TATDN1: variants seen among roughly 807,000 people sequenced by gnomAD.
TATDN1 encodes the protein TatD DNase domain containing 1.
In TATDN1, 40 loss-of-function variants were observed where a neutral mutation model predicts 46.4. The ratio of observed to expected loss-of-function variants is 0.86; its 90% confidence interval spans 0.67 to 1.12. The LOEUF (loss-of-function observed/expected upper bound fraction) is 1.12, where lower values mean the gene tolerates loss of function less well. Ranked by LOEUF, TATDN1 falls within the 50% of genes most tolerant of loss-of-function variation. The pLI, the probability that TATDN1 is intolerant of heterozygous loss-of-function variation, is 0.00. For synonymous variants in TATDN1, 95 were observed against 105.6 expected (o/e 0.90, Z 0.62); for missense variants, 326 against 348.4 (o/e 0.94, Z 0.51).
chr8:124,526,245 TG>T (rs1820490963), intron 1 of TATDN1, among the ~76,000 whole-genome samples: 1 of 152,236 alleles, frequency 6.6e-6, no homozygotes, highest in South Asian at 2.1e-4. Flanking sequence ...CAAGGCAACT[TG>T]GAAGTGTGTC....
chr8:124,517,438 A>AAG (rs1271599791), intron 4 of TATDN1, among the ~76,000 whole-genome samples: 13 of 152,084 alleles, frequency 8.5e-5, no homozygotes, highest in Non-Finnish European at 1.5e-4. Context: ...AAAAAAAAAA[A>AAG]AAAAGAAAAA....
intron 9 of TATDN1, chr8:124,503,998 G>A (rs1221175195): frequency 8.1e-7 from 1 of 1,232,420 alleles, no homozygotes; most frequent in Admixed American, 2.3e-5. Context: ...AGAATAAATT[G>A]GATTACCAGA....
intron 8 of TATDN1, among the ~76,000 whole-genome samples, chr8:124,505,003 C>T (rs1183618956): frequency 6.6e-6 from 1 of 151,264 alleles, no homozygotes; most frequent in Non-Finnish European, 1.5e-5. Flanking sequence ...GATTCGCCCG[C>T]CTCGGCCTCC....
chr8:124,504,085 C>T, intron 9 of TATDN1, 186 bp downstream of exon 9: 2 of 763,936 alleles, frequency 2.6e-6, no homozygotes, highest in African/African-American at 1.8e-5. Context: ...AACTTTCGAG[C>T]TTTAACTTTT....
intron 9 of TATDN1, among the ~76,000 whole-genome samples, chr8:124,500,082 A>G (rs1330138879): frequency 2.0e-5 from 3 of 151,880 alleles, no homozygotes; most frequent in South Asian, 4.2e-4. Context: ...TGACCTTGTG[A>G]ACCACCCACC....
rs1817237694 is a variant in TATDN1, at chr8:124,493,939, T to C, written c.685A>G (p.Lys229Glu). Residue 229 changes from lysine to glutamate, a missense_variant, in exon 11 of 12, where the codon AAA (lysine) becomes GAA (glutamate). Physicochemically the swap from Lys to Glu is moderately conservative, Grantham distance 56. Transcript: ENST00000276692. ...IETDAPWCGV[K>E]STHAGSKYIR... ...TATTTTGATCCAGCATGTGTACTTT[T>C]GACTCCACACCAAGGTGCATCTAGT... 1.2e-6 allele frequency: 2 copies of C among 1,611,800 alleles called. No homozygotes were observed. The highest frequency in any genetic ancestry group is 1.3e-5 in the African/African-American group (1 of 74,882).
intron 1 of TATDN1, among the ~76,000 whole-genome samples, chr8:124,525,498 T>C (rs1034687680): frequency 5.3e-5 from 8 of 152,138 alleles, no homozygotes; most frequent in Admixed American, 5.2e-4. Flanking sequence ...TAGTCACAGC[T>C]CACCCGCAAC....
intron 1 of TATDN1, among the ~76,000 whole-genome samples, chr8:124,536,482 T>C (rs1416920481): frequency 6.6e-6 from 1 of 152,130 alleles, no homozygotes; most frequent in Admixed American, 6.6e-5. Context: ...AGGAGGTCAA[T>C]GCTGGAGCCA....
chr8:124,508,548 A>G (rs756721187), intron 7 of TATDN1, 34 bp from the exon 8 acceptor site: 1 of 1,609,716 alleles, frequency 6.2e-7, no homozygotes. Flanking sequence ...TTTAGCAAAT[A>G]GCTTGATTTC....
In TATDN1 at chr8:124,515,991, C is replaced by T. The variant is rs769252187; in HGVS notation, c.242G>A (p.Cys81Tyr). The T allele has an allele frequency of 3.7e-6, 6 of 1,613,744 alleles. No individual in the cohort carries two copies. The South Asian group carries it at 6.6e-5, about 18-fold the overall frequency. ...AGGGTTATTCTTTTCAAATTCACCA[C>T]ATCTTGTAGGATGACATCCAACTGT... The part of the protein sequence containing the change: ...FSTVGCHPTR[C>Y]GEFEKNNPDL... The change falls in exon 5 of 12, where the codon TGT becomes TAT. Residue 81 changes from cysteine to tyrosine, a missense_variant. Transcript: ENST00000276692.
At chr8:124,538,806 G>A in intron 1 of TATDN1, 1 of 608,966 alleles carries the variant, frequency 1.6e-6, no homozygotes, top group South Asian at 1.9e-5. Context: ...TGTACGGCTT[G>A]TTAATTTTTA....
chr8:124,494,778 A>G (rs1365639596), intron 10 of TATDN1: 1 of 151,530 alleles, frequency 6.6e-6, no homozygotes, highest in Non-Finnish European at 1.5e-5. Context: ...GCTGGAGTGC[A>G]ATGGCGTGAT....
chr8:124,497,518 C>T (rs1817581225), intron 9 of TATDN1, among the ~76,000 whole-genome samples: 1 of 152,088 alleles, frequency 6.6e-6, no homozygotes, highest in African/African-American at 2.4e-5. Flanking sequence ...AACTTCTTAC[C>T]TCAGGCGATC....
intron 6 of TATDN1, 47 bp from the exon 7 acceptor site, chr8:124,508,735 G>T: frequency 8.1e-7 from 1 of 1,231,654 alleles, no homozygotes; most frequent in Non-Finnish European, 1.1e-6. Context: ...TTGTATTTTA[G>T]CATGAGGAAG....
At chr8:124,493,697 G>T in intron 11 of TATDN1, 136 bp downstream of exon 11, 1 of 942,498 alleles carries the variant, frequency 1.1e-6, no homozygotes, top group Non-Finnish European at 1.6e-6. Flanking sequence ...CCAAATCACT[G>T]CATTAATATG....
At chr8:124,497,881 T>C (rs1817618309) in intron 9 of TATDN1, among the ~76,000 whole-genome samples, 1 of 151,960 alleles carries the variant, frequency 6.6e-6, no homozygotes, top group African/African-American at 2.4e-5. Flanking sequence ...ATGTAGTTTG[T>C]ATAAAAAAAA....
intron 9 of TATDN1, among the ~76,000 whole-genome samples, chr8:124,495,809 A>C (rs969086124): frequency 2.0e-5 from 3 of 152,224 alleles, no homozygotes; most frequent in African/African-American, 7.2e-5. Flanking sequence ...AGTAAAATTT[A>C]ACTTTTTAAA....
At chr8:124,528,053 CACTT>C (rs1445602140) in intron 1 of TATDN1, among the ~76,000 whole-genome samples, 1 of 152,156 alleles carries the variant, frequency 6.6e-6, no homozygotes, top group African/African-American at 2.4e-5. Flanking sequence ...ATATGACAAA[CACTT>C]AGCAGTTTGA....
chr8:124,532,903 G>A (rs2131570156), intron 1 of TATDN1, among the ~76,000 whole-genome samples: 1 of 152,282 alleles, frequency 6.6e-6, no homozygotes, highest in East Asian at 1.9e-4. Flanking sequence ...TATATGAGGT[G>A]AGAGAAAAGT....
Sources: allele counts gnomAD v4.1 joint callset (sites outside exome capture counted in the v4.1 genomes callset), GRCh38; gene constraint gnomAD v4.1.1; transcripts MANE v1.5; gene names NCBI Gene and HGNC (gene_info 2026-07-23, HGNC 2026-07-21).